Variants in NRG3 observed in about 807,000 individuals in gnomAD.
The protein encoded by NRG3 is neuregulin 3.
A neutral mutation model predicts 66.9 loss-of-function variants in NRG3; 31 were observed. That is an observed-to-expected ratio of 0.46 (90% CI 0.35 to 0.63). NRG3 has a LOEUF of 0.63. NRG3 is among the 20% of genes least tolerant of loss of function. The pLI, the probability that NRG3 is intolerant of heterozygous loss-of-function variation, is 0.00. For synonymous variants in NRG3, 393 were observed against 359.4 expected (o/e 1.09, Z -1.06); for missense variants, 910 against 878.9 (o/e 1.04, Z -0.45).
chr10:82,181,961 T>C (rs1259092351), intron 1 of NRG3, among the ~76,000 whole-genome samples: 2 of 151,846 alleles, frequency 1.3e-5, no homozygotes, highest in Non-Finnish European at 3.0e-5. Context: ...TATTTATAAG[T>C]GTTATATCAT....
At chr10:82,851,454 A>G (rs72819698) in intron 3 of NRG3, among the ~76,000 whole-genome samples, 1 of 152,270 alleles carries the variant, frequency 6.6e-6, no homozygotes, top group Non-Finnish European at 1.5e-5. Flanking sequence ...CTTCTCCCAG[A>G]CATTTTGGAT....
chr10:81,995,449 C>T (rs1252258784), intron 1 of NRG3, among the ~76,000 whole-genome samples: 1 of 152,116 alleles, frequency 6.6e-6, no homozygotes, highest in Non-Finnish European at 1.5e-5. Flanking sequence ...TGCATCTCTC[C>T]ACTGTGTTTG....
chr10:82,350,396 G>A (rs985552629), intron 1 of NRG3, among the ~76,000 whole-genome samples: 1 of 152,136 alleles, frequency 6.6e-6, no homozygotes, highest in Non-Finnish European at 1.5e-5. Context: ...TGACTTGCTA[G>A]GTCCCTAAGA....
intron 1 of NRG3, among the ~76,000 whole-genome samples, chr10:82,055,961 T>G (rs997355222): frequency 6.6e-6 from 1 of 152,272 alleles, no homozygotes; most frequent in African/African-American, 2.4e-5. Flanking sequence ...GAGGAGAAGA[T>G]GTGAAATCAT....
intron 2 of NRG3, among the ~76,000 whole-genome samples, chr10:82,614,004 G>T (rs1323577774): frequency 6.6e-6 from 1 of 151,920 alleles, no homozygotes; most frequent in East Asian, 1.9e-4. Context: ...CCGGGTTCAA[G>T]CAATTCTGCC....
intron 4 of NRG3, among the ~76,000 whole-genome samples, chr10:82,937,739 A>G (rs1221005449): frequency 6.6e-6 from 1 of 152,214 alleles, no homozygotes; most frequent in African/African-American, 2.4e-5. Context: ...CAGTTGACTG[A>G]CTGTGATTAG....
At chr10:82,260,382 T>A (rs2077961294) in intron 1 of NRG3, among the ~76,000 whole-genome samples, 1 of 152,182 alleles carries the variant, frequency 6.6e-6, no homozygotes, top group Admixed American at 6.6e-5. Context: ...CAGGAAGGGA[T>A]TCTTAGAAGT....
At chr10:82,556,046 T>G (rs576584026) in intron 2 of NRG3, among the ~76,000 whole-genome samples, 2 of 152,268 alleles carry the variant, frequency 1.3e-5, no homozygotes, top group Admixed American at 6.5e-5. Flanking sequence ...AGTTGCCCCG[T>G]ATTTGTCTTC....
chr10:82,379,943 A>G (rs973750025), intron 2 of NRG3, among the ~76,000 whole-genome samples: 2 of 151,834 alleles, frequency 1.3e-5, no homozygotes, highest in African/African-American at 2.4e-5. Context: ...AGGAAAAACA[A>G]AAAAGCCACA....
intron 1 of NRG3, among the ~76,000 whole-genome samples, chr10:82,083,319 G>T (rs1354805127): frequency 6.6e-6 from 1 of 151,702 alleles, no homozygotes; most frequent in African/African-American, 2.4e-5. Context: ...ATAATATTAA[G>T]TATCATGTAC....
At chr10:81,904,064 C>T (rs1250268402) in intron 1 of NRG3, among the ~76,000 whole-genome samples, 1 of 151,030 alleles carries the variant, frequency 6.6e-6, no homozygotes, top group East Asian at 1.9e-4. Flanking sequence ...GGCTGGAGTG[C>T]AATGATGCGA....
chr10:82,343,787 C>T (rs958165038), intron 1 of NRG3, among the ~76,000 whole-genome samples: 7 of 152,002 alleles, frequency 4.6e-5, no homozygotes, highest in African/African-American at 1.7e-4. Flanking sequence ...ATTGTCCCCC[C>T]AATGCCACCC....
chr10:82,730,099 T>G (rs559668229), intron 2 of NRG3, among the ~76,000 whole-genome samples: 2 of 150,338 alleles, frequency 1.3e-5, no homozygotes, highest in Admixed American at 6.6e-5. Context: ...TTTTTTTTTT[T>G]TTTTGAGACG....
intron 5 of NRG3, among the ~76,000 whole-genome samples, chr10:82,953,955 C>T (rs1272321756): frequency 1.8e-5 from 1 of 54,756 alleles, no homozygotes; most frequent in Non-Finnish European, 5.1e-5. Flanking sequence ...GAGATTCAGT[C>T]TCAAAAAAAA....
intron 2 of NRG3, among the ~76,000 whole-genome samples, chr10:82,730,154 C>T (rs1243302641): frequency 3.4e-5 from 5 of 148,022 alleles, no homozygotes; most frequent in African/African-American, 1.0e-4. Flanking sequence ...GGGTCGATCT[C>T]GGCCAATGCA....
intron 2 of NRG3, among the ~76,000 whole-genome samples, chr10:82,388,005 T>C (rs2086118568): frequency 1.3e-5 from 2 of 152,168 alleles, no homozygotes; most frequent in Admixed American, 6.5e-5. Context: ...ATTGCTACAA[T>C]GAAGGGCAAT....
chr10:82,091,377 A>C (rs1713202384), intron 1 of NRG3, among the ~76,000 whole-genome samples: 3 of 152,056 alleles, frequency 2.0e-5, no homozygotes, highest in Admixed American at 6.6e-5. Context: ...TGTCTCTATG[A>C]ATTTGCCTGT....
intron 2 of NRG3, among the ~76,000 whole-genome samples, chr10:82,476,944 G>A (rs370825678): frequency 3.3e-5 from 5 of 152,120 alleles, no homozygotes; most frequent in South Asian, 2.1e-4. Flanking sequence ...CATTTGACAC[G>A]TGAGTTCCGA....
chr10:81,906,070 T>C (rs1168691044), intron 1 of NRG3, among the ~76,000 whole-genome samples: 1 of 152,192 alleles, frequency 6.6e-6, no homozygotes, highest in Non-Finnish European at 1.5e-5. Flanking sequence ...AAAGGGTACC[T>C]TGTTGTAATG....
Sources: gnomAD v4.1 joint callset for allele counts (sites outside exome capture counted in the v4.1 genomes callset) on GRCh38, gnomAD v4.1.1 for gene constraint, MANE v1.5 for transcripts, NCBI Gene and HGNC (gene_info 2026-07-23, HGNC 2026-07-21) for gene names.